RALGPS2: variants seen among roughly 807,000 people sequenced by gnomAD.
RALGPS2 encodes ras-specific guanine nucleotide-releasing factor RalGPS2.
A neutral mutation model predicts 86.8 loss-of-function variants in RALGPS2; 43 were observed. The observed-to-expected ratio is 0.50, with a 90% CI of 0.39 to 0.64. The LOEUF is 0.64. Ranked by LOEUF, RALGPS2 falls within the 30% of genes least tolerant of loss-of-function variation. RALGPS2 has a pLI of 0.00. For missense variants in RALGPS2, 536 were observed against 694.6 expected (o/e 0.77, Z 2.57); for synonymous variants, 243 against 231.3 (o/e 1.05, Z -0.46).
intron 7 of RALGPS2, among the ~76,000 whole-genome samples, chr1:178,828,825 G>C (rs1655879263): frequency 6.6e-6 from 1 of 152,124 alleles, no homozygotes; most frequent in Admixed American, 6.5e-5. Flanking sequence ...AGTGTTGGTG[G>C]GAATGTAAAT....
intron 1 of RALGPS2, among the ~76,000 whole-genome samples, chr1:178,755,224 G>A (rs1326698213): frequency 6.6e-6 from 1 of 152,040 alleles, no homozygotes; most frequent in Non-Finnish European, 1.5e-5. Flanking sequence ...TACATGTGTA[G>A]TAGATTTGTT....
chr1:178,789,420 G>A (rs1653842697), intron 4 of RALGPS2, among the ~76,000 whole-genome samples: 1 of 152,342 alleles, frequency 6.6e-6, no homozygotes, highest in South Asian at 2.1e-4. Flanking sequence ...GAAGCCAGAT[G>A]CATGTAGTTG....
chr1:178,896,346 C>A (rs1659937014), intron 16 of RALGPS2, among the ~76,000 whole-genome samples: 1 of 151,468 alleles, frequency 6.6e-6, no homozygotes, highest in African/African-American at 2.4e-5. Flanking sequence ...GGAGATGGGT[C>A]AAAGGAGGGA....
intron 8 of RALGPS2, among the ~76,000 whole-genome samples, chr1:178,862,588 ATTT>A (rs111564790): frequency 1.8e-4 from 24 of 131,378 alleles, no homozygotes; most frequent in Non-Finnish European, 2.8e-4. Flanking sequence ...GAGGAGTTGC[ATTT>A]TTTTTATTTA....
chr1:178,874,447 A>G (rs914524019), intron 8 of RALGPS2, among the ~76,000 whole-genome samples: 1 of 152,308 alleles, frequency 6.6e-6, no homozygotes, highest in South Asian at 2.1e-4. Context: ...ATAGCGAGTG[A>G]CTACAGGCGA....
intron 1 of RALGPS2, among the ~76,000 whole-genome samples, chr1:178,776,307 T>A (rs1046002683): frequency 3.3e-5 from 5 of 152,226 alleles, no homozygotes; most frequent in African/African-American, 9.6e-5. Flanking sequence ...ACAGGTGTCA[T>A]TTGGATCGCT....
chr1:178,814,118 G>T (rs1286817609), intron 6 of RALGPS2, among the ~76,000 whole-genome samples: 1 of 152,098 alleles, frequency 6.6e-6, no homozygotes, highest in African/African-American at 2.4e-5. Context: ...TTCTTTTACA[G>T]TGTGTATGTT....
intron 14 of RALGPS2, among the ~76,000 whole-genome samples, chr1:178,890,560 C>T (rs1659676053): frequency 6.6e-6 from 1 of 151,844 alleles, no homozygotes; most frequent in South Asian, 2.1e-4. Flanking sequence ...AATTGCATAA[C>T]TCCTTATCAG....
chr1:178,745,373 C>G (rs1455103247), intron 1 of RALGPS2, among the ~76,000 whole-genome samples: 1 of 152,104 alleles, frequency 6.6e-6, no homozygotes, highest in Non-Finnish European at 1.5e-5. Context: ...TCTGATATCA[C>G]AATTTATTAT....
chr1:178,852,640 G>A, intron 8 of RALGPS2: 6 of 1,571,012 alleles, frequency 3.8e-6, no homozygotes, highest in Non-Finnish European at 5.2e-6. Flanking sequence ...TTAATGCATA[G>A]AAGGTGATGA....
intron 1 of RALGPS2, among the ~76,000 whole-genome samples, chr1:178,767,232 A>G (rs1263190164): frequency 1.3e-5 from 2 of 152,098 alleles, no homozygotes; most frequent in South Asian, 2.1e-4. Flanking sequence ...GTTATGAATA[A>G]TTGCTGGGGA....
chr1:178,779,537 C>G (rs1653277506), intron 2 of RALGPS2, among the ~76,000 whole-genome samples: 1 of 152,132 alleles, frequency 6.6e-6, no homozygotes, highest in Non-Finnish European at 1.5e-5. Context: ...TTATTTTTAT[C>G]TCTAGCCCTG....
chr1:178,910,266 T>C (rs1660571653), intron 19 of RALGPS2, among the ~76,000 whole-genome samples: 2 of 152,176 alleles, frequency 1.3e-5, no homozygotes, highest in South Asian at 4.1e-4. Flanking sequence ...TCGTGTCTGA[T>C]TGCTCTGGCT....
chr1:178,855,314 A>G (rs964429961), intron 8 of RALGPS2, among the ~76,000 whole-genome samples: 3 of 117,624 alleles, frequency 2.6e-5, no homozygotes, highest in Non-Finnish European at 5.4e-5. Context: ...TTTTTTTTTT[A>G]CTTCATATCA....
chr1:178,907,735 G>A lies in RALGPS2; in HGVS notation c.1722+868G>A, dbSNP rs138508010. On this transcript the variant is annotated intron_variant, in intron 19 of 19. Coordinates refer to ENST00000367635, the MANE Select transcript of RALGPS2 (RefSeq NM_152663.5). Reference sequence around the variant, plus strand: ...CAGAAGTCTATGGTTAGCATTATCAGTAGGTAATATTGAATATGATGCACT... The same window carrying A: ...CAGAAGTCTATGGTTAGCATTATCAATAGGTAATATTGAATATGATGCACT... Among the ~76,000 whole-genome samples the A allele has an allele frequency of 1.3e-4, 20 of 152,306 alleles. No individual in the cohort carries two copies. The East Asian group carries it at 3.1e-3, about 23-fold the overall frequency.
At chr1:178,803,456 A>ATCCTAAAATATGACATCTTTATGTAGAAT (rs539024299) in intron 4 of RALGPS2, among the ~76,000 whole-genome samples, 3,196 of 152,220 alleles carry the variant, frequency 0.021, 38 homozygotes, top group Middle Eastern at 0.038. Flanking sequence ...TAGGAATTTT[A>ATCCTAAAATATGACATCTTTATGTAGAAT]TCCTAAAATA....
intron 8 of RALGPS2, chr1:178,853,531 T>C: frequency 1.6e-6 from 2 of 1,272,962 alleles, no homozygotes; most frequent in Non-Finnish European, 2.1e-6. Context: ...TAGCATCTTG[T>C]TTCTTGCATT....
intron 19 of RALGPS2, among the ~76,000 whole-genome samples, chr1:178,915,231 A>G (rs1034630354): frequency 1.3e-5 from 2 of 152,056 alleles, no homozygotes; most frequent in African/African-American, 4.8e-5. Flanking sequence ...ACTTAAATAC[A>G]AGTTTCTTTT....
At chr1:178,829,128 T>G (rs1424080244) in intron 7 of RALGPS2, among the ~76,000 whole-genome samples, 1 of 152,236 alleles carries the variant, frequency 6.6e-6, no homozygotes, top group Non-Finnish European at 1.5e-5. Flanking sequence ...GAGATCATTA[T>G]CCTCAGTGAA....
Sources: allele counts gnomAD v4.1 joint callset (sites outside exome capture counted in the v4.1 genomes callset), GRCh38; gene constraint gnomAD v4.1.1; transcripts MANE v1.5; gene names NCBI Gene and HGNC (gene_info 2026-07-23, HGNC 2026-07-21).